The following GRIK2 variants were observed in gnomAD, a reference collection of about 807,000 sequenced individuals.
GRIK2 encodes glutamate receptor ionotropic, kainate 2.
Under a neutral mutation model 100.3 loss-of-function variants are expected in GRIK2, and 32 were observed. The ratio of observed to expected loss-of-function variants is 0.32; its 90% CI spans 0.24 to 0.43. GRIK2 has a LOEUF of 0.43. Ranked by LOEUF, GRIK2 falls within the 20% of genes least tolerant of loss-of-function variation. GRIK2 has a pLI of 1.00. For missense variants in GRIK2, 843 were observed against 1,114.9 expected (o/e 0.76, Z 3.47); for synonymous variants, 417 against 389.4 (o/e 1.07, Z -0.83).
intron 7 of GRIK2, among the ~76,000 whole-genome samples, chr6:101,688,402 C>T (rs187287862): frequency 2.0e-4 from 31 of 151,642 alleles, no homozygotes; most frequent in African/African-American, 7.3e-4. Context: ...CATCATCTCC[C>T]GAAATGAAGT....
intron 1 of GRIK2, among the ~76,000 whole-genome samples, chr6:101,394,539 T>A (rs1181830753): frequency 6.6e-6 from 1 of 152,230 alleles, no homozygotes; most frequent in Non-Finnish European, 1.5e-5. Flanking sequence ...TTACTATTAG[T>A]AGCCTTTTGG....
At chr6:102,067,555 G>C (rs1025455089) in intron 16 of GRIK2, among the ~76,000 whole-genome samples, 1 of 151,640 alleles carries the variant, frequency 6.6e-6, no homozygotes, top group Admixed American at 6.6e-5. Context: ...TAAATTTTGA[G>C]GAGCTGTAAC....
chr6:102,017,515 T>C (rs1192491070), intron 14 of GRIK2, among the ~76,000 whole-genome samples: 1 of 152,148 alleles, frequency 6.6e-6, no homozygotes, highest in Non-Finnish European at 1.5e-5. Context: ...TGGTTTGTTA[T>C]CTGTCCTGCT....
chr6:101,693,740 T>C (rs116394082), intron 7 of GRIK2, among the ~76,000 whole-genome samples: 3,429 of 152,088 alleles, frequency 0.023, 124 homozygotes, highest in African/African-American at 0.077. Context: ...AAAAATTATA[T>C]ATATCTAATA....
At chr6:101,403,532 G>T (rs929632157) in intron 2 of GRIK2, among the ~76,000 whole-genome samples, 1 of 152,170 alleles carries the variant, frequency 6.6e-6, no homozygotes, top group Admixed American at 6.5e-5. Context: ...TACGTTGTGG[G>T]ATAAAATCAA....
intron 11 of GRIK2, among the ~76,000 whole-genome samples, chr6:101,875,794 C>T (rs1785788816): frequency 6.6e-6 from 1 of 151,832 alleles, no homozygotes; most frequent in Non-Finnish European, 1.5e-5. Context: ...TTCTTCCAAA[C>T]AATACAAGGA....
chr6:102,028,909 C>A (rs756274338), intron 14 of GRIK2, among the ~76,000 whole-genome samples: 14 of 151,062 alleles, frequency 9.3e-5, no homozygotes, highest in Non-Finnish European at 2.1e-4. Context: ...TTTTACTTGG[C>A]TACCCTCAAG....
At chr6:101,880,512 A>G (rs372292862) in intron 11 of GRIK2, among the ~76,000 whole-genome samples, 4 of 152,078 alleles carry the variant, frequency 2.6e-5, no homozygotes, top group African/African-American at 9.7e-5. Context: ...TGCCAAGTCT[A>G]TCAGTGGATA....
At chr6:101,610,534 G>C (rs1411058078) in intron 2 of GRIK2, among the ~76,000 whole-genome samples, 1 of 151,780 alleles carries the variant, frequency 6.6e-6, no homozygotes, top group Admixed American at 6.6e-5. Flanking sequence ...AAAAGAGAGA[G>C]TTAAGTGTCC....
At chr6:101,658,400 T>C (rs912162616) in intron 4 of GRIK2, among the ~76,000 whole-genome samples, 1 of 152,230 alleles carries the variant, frequency 6.6e-6, no homozygotes, top group Admixed American at 6.5e-5. Flanking sequence ...TTTTTATGGC[T>C]GCATAGTATT....
chr6:101,576,659 G>A (rs944504203), intron 2 of GRIK2, among the ~76,000 whole-genome samples: 7 of 151,894 alleles, frequency 4.6e-5, no homozygotes, highest in African/African-American at 1.4e-4. Context: ...GCTAAGTTAA[G>A]CTCTTTTGTT....
At chr6:101,709,241 A>AT (rs1388702400) in intron 7 of GRIK2, among the ~76,000 whole-genome samples, 1 of 151,624 alleles carries the variant, frequency 6.6e-6, no homozygotes, top group Non-Finnish European at 1.5e-5. Flanking sequence ...GAAAGATATA[A>AT]AACAGATAGA....
intron 16 of GRIK2, among the ~76,000 whole-genome samples, chr6:102,064,386 CCTTT>C (rs1160290404): frequency 1.5e-5 from 2 of 136,648 alleles, no homozygotes; most frequent in African/African-American, 5.5e-5. Flanking sequence ...TTCTTTCTTT[CCTTT>C]CTCTCTCTCT....
At chr6:101,594,750 TAAC>T (rs1304793299) in intron 2 of GRIK2, among the ~76,000 whole-genome samples, 1 of 151,798 alleles carries the variant, frequency 6.6e-6, no homozygotes, top group Non-Finnish European at 1.5e-5. Flanking sequence ...AAGTGGATGG[TAAC>T]AAAGTGGAGG....
chr6:101,888,866 G>A (rs1786845704), intron 11 of GRIK2, among the ~76,000 whole-genome samples: 1 of 151,904 alleles, frequency 6.6e-6, no homozygotes, highest in East Asian at 1.9e-4. Context: ...TTAAAATATT[G>A]TAATTATTTC....
chr6:101,477,985 A>C (rs1582537441), intron 2 of GRIK2, among the ~76,000 whole-genome samples: 1 of 152,314 alleles, frequency 6.6e-6, no homozygotes, highest in East Asian at 1.9e-4. Flanking sequence ...TCTGTGCCAG[A>C]CACTACATGA....
intron 14 of GRIK2, among the ~76,000 whole-genome samples, chr6:101,933,105 T>G (rs1490047562): frequency 6.6e-6 from 1 of 152,008 alleles, no homozygotes; most frequent in African/African-American, 2.4e-5. Flanking sequence ...TGCCTTGACT[T>G]TTTTAGAGGT....
chr6:101,580,975 A>G (rs1179696692), intron 2 of GRIK2, among the ~76,000 whole-genome samples: 1 of 151,886 alleles, frequency 6.6e-6, no homozygotes, highest in African/African-American at 2.4e-5. Context: ...TTTCTCCATA[A>G]CAATAATTAC....
chr6:102,067,047 C>G (rs755494884), intron 16 of GRIK2, among the ~76,000 whole-genome samples: 4 of 151,690 alleles, frequency 2.6e-5, no homozygotes, highest in Non-Finnish European at 5.9e-5. Flanking sequence ...TCAGTTTTCT[C>G]TGACACACAG....
Sources: allele counts gnomAD v4.1 joint callset (sites outside exome capture counted in the v4.1 genomes callset), GRCh38; gene constraint gnomAD v4.1.1; transcripts MANE v1.5; gene names NCBI Gene and HGNC (gene_info 2026-07-23, HGNC 2026-07-21).